Variants in MALRD1 observed in about 807,000 individuals in gnomAD.
The protein encoded by MALRD1 is MAM and LDL-receptor class A domain-containing protein 1.
A neutral mutation model predicts 242.1 loss-of-function variants in MALRD1; 247 were observed. The ratio of observed to expected loss-of-function variants is 1.02; its 90% CI spans 0.92 to 1.13. The LOEUF is 1.13. Among genes scored for constraint, MALRD1 ranks in the 50% most tolerant of loss-of-function variants. MALRD1 has a pLI of 0.00. For synonymous variants in MALRD1, 995 were observed against 866.6 expected (o/e 1.15, Z -2.60); for missense variants, 2,989 against 2,533.1 (o/e 1.18, Z -3.86).
chr10:19,420,867 C>T (rs190898115), intron 28 of MALRD1, among the ~76,000 whole-genome samples: 135 of 152,312 alleles, frequency 8.9e-4, no homozygotes, highest in African/African-American at 3.2e-3. Flanking sequence ...GCTGTGAAAC[C>T]ATCCTCACCA....
chr10:19,719,187 T>TATACACAC (rs1834579998), intron 38 of MALRD1, among the ~76,000 whole-genome samples: 1 of 91,818 alleles, frequency 1.1e-5, no homozygotes, highest in Admixed American at 1.4e-4. Context: ...TATATATATA[T>TATACACAC]ATACATACAT....
intron 29 of MALRD1, among the ~76,000 whole-genome samples, chr10:19,459,010 A>G (rs1835805249): frequency 6.6e-6 from 1 of 152,100 alleles, no homozygotes; most frequent in African/African-American, 2.4e-5. Context: ...CTAACACACA[A>G]TGCAATATTA....
intron 18 of MALRD1, among the ~76,000 whole-genome samples, chr10:19,237,535 T>A (rs1393211541): frequency 3.1e-5 from 4 of 128,450 alleles, no homozygotes; most frequent in Non-Finnish European, 6.5e-5. Context: ...TATATATATA[T>A]AATTTTATGT....
intron 19 of MALRD1, among the ~76,000 whole-genome samples, chr10:19,260,168 G>A (rs78326091): frequency 0.011 from 1,683 of 152,260 alleles, 32 homozygotes; most frequent in African/African-American, 0.039. Context: ...TATAGTATAT[G>A]TCAGTCAGCT....
rs192415177 is a variant in MALRD1, at chr10:19,342,003, G to A, written c.3902-5768G>A. Among the ~76,000 whole-genome samples the A allele has an allele frequency of 7.9e-5, 12 of 152,146 alleles. No homozygotes were observed. The East Asian group carries it at 1.5e-3, about 20-fold the overall frequency. ...AATTGTTATGGCATATAACTATATA[G>A]CGTTCTCTAATTTCCAAGTAAACTG... is the stretch of plus-strand genomic sequence containing the variant. On this transcript the variant is annotated intron_variant, in intron 24 of 39. Transcript: ENST00000454679.
intron 29 of MALRD1, chr10:19,488,983 T>C: frequency 4.5e-6 from 2 of 442,124 alleles, no homozygotes; most frequent in South Asian, 1.6e-5. Context: ...GAAGGCGGGC[T>C]CCCAATCCGG....
intron 28 of MALRD1, among the ~76,000 whole-genome samples, chr10:19,411,787 A>G (rs150416133): frequency 2.6e-4 from 40 of 152,296 alleles, no homozygotes; most frequent in African/African-American, 7.5e-4. Context: ...TAAGCATAGC[A>G]GTGATTTGGA....
chr10:19,531,564 C>G (rs1834418715), intron 32 of MALRD1, among the ~76,000 whole-genome samples: 1 of 152,114 alleles, frequency 6.6e-6, no homozygotes, highest in South Asian at 2.1e-4. Context: ...CGGCTGCCAC[C>G]TGAACTCAAT....
At chr10:19,529,124 G>C (rs1834225623) in intron 31 of MALRD1, among the ~76,000 whole-genome samples, 2 of 152,108 alleles carry the variant, frequency 1.3e-5, no homozygotes, top group Non-Finnish European at 2.9e-5. Flanking sequence ...AATCCCCTCA[G>C]TTTTCAGCAG....
chr10:19,671,519 G>GA (rs1224390144), intron 36 of MALRD1, among the ~76,000 whole-genome samples: 2 of 151,910 alleles, frequency 1.3e-5, no homozygotes, highest in African/African-American at 4.8e-5. Flanking sequence ...TCAGGAGGTT[G>GA]AGGCAAGAGA....
intron 32 of MALRD1, among the ~76,000 whole-genome samples, chr10:19,537,760 A>G (rs964695743): frequency 6.6e-6 from 1 of 152,136 alleles, no homozygotes; most frequent in African/African-American, 2.4e-5. Flanking sequence ...TAAGGGCACT[A>G]ATCCCATTCA....
At chr10:19,593,124 A>G (rs1353948873) in intron 33 of MALRD1, among the ~76,000 whole-genome samples, 1 of 152,226 alleles carries the variant, frequency 6.6e-6, no homozygotes, top group Admixed American at 6.5e-5. Context: ...ATAAAAGTAT[A>G]AAGATTTAAA....
At chr10:19,416,464 T>A (rs77919591) in intron 28 of MALRD1, among the ~76,000 whole-genome samples, 2,154 of 152,242 alleles carry the variant, frequency 0.014, 37 homozygotes, top group East Asian at 0.035. Flanking sequence ...AACTAGCAGC[T>A]TAATCTTCAT....
At chr10:19,586,258 G>C (rs1188112129) in intron 33 of MALRD1, among the ~76,000 whole-genome samples, 1 of 152,180 alleles carries the variant, frequency 6.6e-6, no homozygotes, top group African/African-American at 2.4e-5. Context: ...GCTTTGTTCT[G>C]TTGCTGGTGA....
intron 18 of MALRD1, among the ~76,000 whole-genome samples, chr10:19,216,306 C>T (rs1431753401): frequency 6.6e-6 from 1 of 151,680 alleles, no homozygotes; most frequent in African/African-American, 2.4e-5. Flanking sequence ...TTAGTGGAGA[C>T]AAGGTTTCAC....
intron 29 of MALRD1, among the ~76,000 whole-genome samples, chr10:19,452,665 C>T (rs893236771): frequency 6.6e-6 from 1 of 152,144 alleles, no homozygotes; most frequent in Non-Finnish European, 1.5e-5. Flanking sequence ...TCTTTTTAAT[C>T]ATCTTAGTGT....
chr10:19,473,866 A>G (rs1047084395), intron 29 of MALRD1, among the ~76,000 whole-genome samples: 7 of 152,066 alleles, frequency 4.6e-5, no homozygotes, highest in Non-Finnish European at 1.5e-5. Context: ...TTATATGGTA[A>G]TTCTATTTGT....
intron 29 of MALRD1, among the ~76,000 whole-genome samples, chr10:19,469,805 GC>G (rs1477795088): frequency 6.6e-6 from 1 of 152,018 alleles, no homozygotes; most frequent in East Asian, 1.9e-4. Flanking sequence ...AAGTGTGATT[GC>G]CATATAAAAA....
At chr10:19,561,795 T>C (rs931878077) in intron 32 of MALRD1, among the ~76,000 whole-genome samples, 5 of 151,954 alleles carry the variant, frequency 3.3e-5, no homozygotes, top group South Asian at 4.1e-4. Flanking sequence ...TTCTCCCCCA[T>C]GGAGAACTAG....
Sources: allele counts gnomAD v4.1 joint callset (sites outside exome capture counted in the v4.1 genomes callset), GRCh38; gene constraint gnomAD v4.1.1; transcripts MANE v1.5; gene names NCBI Gene and HGNC (gene_info 2026-07-23, HGNC 2026-07-21).